LRRC37A2: variants seen among roughly 807,000 people sequenced by gnomAD.
The protein encoded by LRRC37A2 is leucine-rich repeat-containing protein 37A2.
In LRRC37A2, 9 loss-of-function variants were observed where a neutral mutation model predicts 68.8. The observed-to-expected ratio is 0.13, with a 90% CI of 0.08 to 0.23. LRRC37A2 has a LOEUF of 0.23. LRRC37A2 is among the 10% of genes least tolerant of loss of function. The probability of loss-of-function intolerance (pLI) is 1.00; values close to 1 mark genes in which losing one functional copy is unlikely to be tolerated. For missense variants in LRRC37A2, 168 were observed against 950.4 expected (o/e 0.18, Z 10.82); for synonymous variants, 63 against 367.6 (o/e 0.17, Z 9.48).
the LRRC37A2 span, among the ~76,000 whole-genome samples, chr17:46,832,409 T>C: frequency 2.4e-5 from 1 of 42,398 alleles, no homozygotes; most frequent in Non-Finnish European, 4.7e-5. Flanking sequence ...GAGAGGGGGG[T>C]GGTGGAGGAG....
chr17:46,817,958 G>T, the LRRC37A2 span, among the ~76,000 whole-genome samples: 1 of 152,092 alleles, frequency 6.6e-6, no homozygotes, highest in East Asian at 1.9e-4. Context: ...GAGCGGTGGG[G>T]AGAATCTGAT....
At chr17:46,936,134 G>C in the LRRC37A2 span, 9 of 985,828 alleles carry the variant, frequency 9.1e-6, no homozygotes, top group Non-Finnish European at 1.1e-5. Flanking sequence ...GGCCTGGAAG[G>C]GTGGTCTCCA....
At chr17:46,844,556 G>A in the LRRC37A2 span, among the ~76,000 whole-genome samples, 1 of 152,024 alleles carries the variant, frequency 6.6e-6, no homozygotes, top group African/African-American at 2.4e-5. Flanking sequence ...TGTGGTGGTG[G>A]CCGATTTCTA....
chr17:46,981,289 T>C, the LRRC37A2 span, among the ~76,000 whole-genome samples: 1 of 23,910 alleles, frequency 4.2e-5, no homozygotes, highest in African/African-American at 2.6e-4. Flanking sequence ...GTTGAAAACT[T>C]GACCCCCAAT....
chr17:46,966,665 C>G, the LRRC37A2 span: 1 of 566,866 alleles, frequency 1.8e-6, no homozygotes, highest in African/African-American at 1.9e-5. Context: ...ACCTTTTGAA[C>G]TCAGGCTTGG....
chr17:46,646,531 AAAAAGAAG>A, the LRRC37A2 span, among the ~76,000 whole-genome samples: 1 of 2,914 alleles, frequency 3.4e-4, no homozygotes, highest in African/African-American at 7.7e-4. Context: ...AAAAAAAAAA[AAAAAGAAG>A]AAGATAATGT....
the LRRC37A2 span, chr17:46,931,657 T>TCCACCC: frequency 0.62 from 172,749 of 279,086 alleles, 54,692 homozygotes; most frequent in Middle Eastern, 0.68. Context: ...CCTTGCCACC[T>TCCACCC]CCACCCCCAG....
At chr17:46,958,352 T>C in the LRRC37A2 span, among the ~76,000 whole-genome samples, 1 of 152,156 alleles carries the variant, frequency 6.6e-6, no homozygotes, top group Admixed American at 6.5e-5. Flanking sequence ...TACCCAAAAA[T>C]CCACTCCTGA....
the LRRC37A2 span, among the ~76,000 whole-genome samples, chr17:46,765,135 C>T: frequency 6.6e-6 from 1 of 152,270 alleles, no homozygotes; most frequent in Non-Finnish European, 1.5e-5. Context: ...AGTCATATCT[C>T]ACAAAGGGTT....
chr17:47,000,091 TAA>T, the LRRC37A2 span, among the ~76,000 whole-genome samples: 2 of 62,588 alleles, frequency 3.2e-5, no homozygotes, highest in African/African-American at 1.0e-4. Flanking sequence ...TAAAATAAAA[TAA>T]AATAAAATAA....
At chr17:46,984,697 A>T in the LRRC37A2 span, among the ~76,000 whole-genome samples, 1 of 152,364 alleles carries the variant, frequency 6.6e-6, no homozygotes, top group Non-Finnish European at 1.5e-5. Flanking sequence ...AAGGTTAATA[A>T]AAGCTCCTAA....
At chr17:46,782,408 G>A in the LRRC37A2 span, among the ~76,000 whole-genome samples, 2 of 152,180 alleles carry the variant, frequency 1.3e-5, no homozygotes, top group Non-Finnish European at 1.5e-5. Context: ...CCAGGGCCAG[G>A]TGCTCCACCT....
chr17:46,983,106 G>A, the LRRC37A2 span, among the ~76,000 whole-genome samples: 1 of 152,122 alleles, frequency 6.6e-6, no homozygotes, highest in African/African-American at 2.4e-5. Flanking sequence ...TGCAGGGGTT[G>A]TTCGTTGGCT....
At chr17:46,765,129 A>G in the LRRC37A2 span, among the ~76,000 whole-genome samples, 2 of 152,370 alleles carry the variant, frequency 1.3e-5, no homozygotes, top group East Asian at 1.9e-4. Context: ...TTGCATAGTC[A>G]TATCTCACAA....
At chr17:46,768,245 G>A in the LRRC37A2 span, 2 of 1,604,370 alleles carry the variant, frequency 1.2e-6, no homozygotes, top group South Asian at 2.2e-5. This position sits in a 1 kb window ranked among gnomAD's most constrained non-coding sequence, Gnocchi z 5.0. Context: ...AAGAAGACGA[G>A]ATGGGCAAAC....
the LRRC37A2 span, among the ~76,000 whole-genome samples, chr17:46,808,258 G>T: frequency 1.3e-5 from 2 of 152,202 alleles, no homozygotes; most frequent in Non-Finnish European, 2.9e-5. Context: ...TGCAATCCCA[G>T]CTTGAGGACA....
At chr17:46,796,884 A>C in the LRRC37A2 span, among the ~76,000 whole-genome samples, 1 of 152,166 alleles carries the variant, frequency 6.6e-6, no homozygotes, top group Non-Finnish European at 1.5e-5. Flanking sequence ...GGACTGAACT[A>C]GTTTACACGG....
chr17:46,393,357 A>G, the LRRC37A2 span, among the ~76,000 whole-genome samples: 2 of 85,116 alleles, frequency 2.3e-5, no homozygotes, highest in East Asian at 2.3e-4. Context: ...AAATAAAACT[A>G]TATTTACCGA....
the LRRC37A2 span, among the ~76,000 whole-genome samples, chr17:46,714,904 G>A: frequency 6.6e-6 from 1 of 152,310 alleles, no homozygotes; most frequent in South Asian, 2.1e-4. Context: ...AGTAAAGACA[G>A]CTCAGGGTTT....
Sources: allele counts gnomAD v4.1 joint callset (sites outside exome capture counted in the v4.1 genomes callset), GRCh38; gene constraint gnomAD v4.1.1; non-coding constraint Gnocchi (gnomAD v3.1); transcripts MANE v1.5; gene names NCBI Gene and HGNC (gene_info 2026-07-23, HGNC 2026-07-21).